The following WDR49 variants were observed in gnomAD, a reference collection of about 807,000 sequenced individuals.
The protein encoded by WDR49 is WD repeat domain 49, also known as cilia- and flagella-associated protein 337.
WDR49 carries 107 observed loss-of-function variants against 119.5 expected under a neutral mutation model. The observed-to-expected ratio is 0.90, with a 90% CI of 0.77 to 1.05. The LOEUF is 1.05. Ranked by LOEUF, WDR49 falls within the 50% of genes least tolerant of loss-of-function variation. WDR49 has a pLI of 0.00. For missense variants in WDR49, 1,240 were observed against 1,220.5 expected (o/e 1.02, Z -0.24); for synonymous variants, 425 against 418.8 (o/e 1.01, Z -0.18).
chr3:167,522,393 A>G lies in WDR49; in HGVS notation c.2696T>C (p.Phe899Ser). ...GTCTAAACAAGATTCCTCCTTAGAAAATAAAGAAATTTCCTTTTGAATCTC... is the reference window on the plus strand; with the variant it reads ...GTCTAAACAAGATTCCTCCTTAGAAGATAAAGAAATTTCCTTTTGAATCTC... ...ESEIQKEISL[F>S]SKEESCLDPT... Residue 899 changes from phenylalanine to serine, a missense_variant, in exon 16 of 19, where the codon TTT (phenylalanine) becomes TCT (serine). Transcript: ENST00000682715. 3 of 1,611,222 alleles carry G rather than the reference A, an allele frequency of 1.9e-6. No individual in the cohort carries two copies. The highest frequency in any genetic ancestry group is 2.5e-6 in the Non-Finnish European group (3 of 1,179,232).
chr3:167,572,856 C>G (rs6764809), intron 8 of WDR49, among the ~76,000 whole-genome samples: 1 of 151,996 alleles, frequency 6.6e-6, no homozygotes, highest in South Asian at 2.1e-4. Context: ...GTTTACAAGA[C>G]GAAACTGCAA....
rs1752697320 is a variant in WDR49 at position 167,528,001 on chromosome 3, G to A, written c.2423C>T (p.Ser808Phe). ...GGCCTTGGTGATTTTGTTCTTACTG[G>A]AGTTAAGACAGTACTCCTGAATGAA... ...IWNIEEYCLN[S>F]SKNKITKAPT... is the part of the protein sequence containing the mutation. The change falls in exon 15 of 19, where the codon TCC becomes TTC. Residue 808 changes from serine to phenylalanine, a missense_variant. Physicochemically the swap from Ser to Phe is radical, Grantham distance 155. Coordinates refer to ENST00000682715, the MANE Select transcript of WDR49 (RefSeq NM_001366157.1). 3 of 1,612,396 alleles carry A rather than the reference G, an allele frequency of 1.9e-6. No individual in the cohort carries two copies. The highest frequency in any genetic ancestry group is 1.7e-6 in the Non-Finnish European group (2 of 1,179,124).
At chr3:167,640,811 A>G (rs1717846428) in intron 2 of WDR49, among the ~76,000 whole-genome samples, 1 of 151,800 alleles carries the variant, frequency 6.6e-6, no homozygotes, top group Admixed American at 6.6e-5. Flanking sequence ...TGGGAGGTGG[A>G]AAGGATGGGA....
chr3:167,615,748 A>G (rs1042834854), intron 5 of WDR49, among the ~76,000 whole-genome samples: 1 of 152,206 alleles, frequency 6.6e-6, no homozygotes, highest in Non-Finnish European at 1.5e-5. Flanking sequence ...TTTGGCATAC[A>G]CTAATATTAA....
intron 11 of WDR49, among the ~76,000 whole-genome samples, chr3:167,534,782 C>T (rs761374058): frequency 1.3e-5 from 2 of 152,104 alleles, no homozygotes; most frequent in African/African-American, 2.4e-5. Context: ...CTTTAATATG[C>T]CACATCAAAG....
chr3:167,627,031 T>A lies in WDR49; in HGVS notation c.427A>T (p.Ile143Phe), dbSNP rs1446149120. ...EFLPVKHKDT[I>F]QKVIFLKNSS... ...TTTTTTAAGAAAATTACTTTTTGAA[T>A]GGTGTCCTTGTGTTTTACTGGGAGG... Residue 143 changes from isoleucine to phenylalanine, a missense_variant, in exon 3 of 19, where the codon ATT becomes TTT. Ile to Phe is a conservative substitution (Grantham distance 21). Coordinates refer to ENST00000682715, the MANE Select transcript of WDR49 (RefSeq NM_001366157.1). The A allele has an allele frequency of 1.5e-6, 2 of 1,328,874 alleles. No individual in the cohort carries two copies. Among genetic ancestry groups the A allele is most frequent in the African/African-American group, 3.0e-5 (2 of 66,790 alleles). The allele number at this position is 1,328,874 out of a possible 1,614,324, so 82.3% of individuals were successfully genotyped here.
At chr3:167,496,505 CAT>C (rs1266840924) in intron 18 of WDR49, among the ~76,000 whole-genome samples, 2 of 151,904 alleles carry the variant, frequency 1.3e-5, no homozygotes, top group Non-Finnish European at 2.9e-5. Flanking sequence ...TAACTTTTAA[CAT>C]CTAGCTCGGG....
intron 17 of WDR49, among the ~76,000 whole-genome samples, chr3:167,502,431 C>G (rs532362755): frequency 4.2e-4 from 64 of 152,278 alleles, no homozygotes; most frequent in Middle Eastern, 3.4e-3. Context: ...TTGGAACTGG[C>G]TAATGGGCAG....
intron 2 of WDR49, among the ~76,000 whole-genome samples, chr3:167,643,959 G>T (rs1483145250): frequency 6.6e-6 from 1 of 151,090 alleles, no homozygotes; most frequent in Non-Finnish European, 1.5e-5. Context: ...TTGTTCACTA[G>T]AGAAAAGAAA....
At chr3:167,596,943 C>A (rs1203272083) in intron 7 of WDR49, among the ~76,000 whole-genome samples, 2 of 129,116 alleles carry the variant, frequency 1.5e-5, no homozygotes, top group East Asian at 2.1e-4. Context: ...AAAATAAACT[C>A]AAAATGGAAA....
chr3:167,504,253 C>G (rs929719646), intron 17 of WDR49, among the ~76,000 whole-genome samples: 8 of 152,132 alleles, frequency 5.3e-5, no homozygotes, highest in Non-Finnish European at 4.4e-5. Flanking sequence ...TACAGGCACT[C>G]AACTCTAACC....
chr3:167,555,186 C>A (rs1468460465), intron 9 of WDR49, among the ~76,000 whole-genome samples: 1 of 152,118 alleles, frequency 6.6e-6, no homozygotes, highest in Non-Finnish European at 1.5e-5. Flanking sequence ...AAGTTGAGTT[C>A]ATCTCCAGTG....
intron 2 of WDR49, among the ~76,000 whole-genome samples, chr3:167,639,620 ATACT>A (rs1234697872): frequency 6.6e-6 from 1 of 151,850 alleles, no homozygotes. Flanking sequence ...TTATAATGAT[ATACT>A]TACTTTTCAC....
intron 12 of WDR49, among the ~76,000 whole-genome samples, 159 bp downstream of exon 12, chr3:167,532,720 T>C (rs1009223294): frequency 5.9e-5 from 9 of 152,174 alleles, no homozygotes; most frequent in Non-Finnish European, 1.0e-4. Flanking sequence ...CTCAAGGTTC[T>C]CTTTAGCTAC....
chr3:167,622,366 C>A (rs1716913500), intron 3 of WDR49, among the ~76,000 whole-genome samples: 1 of 151,722 alleles, frequency 6.6e-6, no homozygotes, highest in Admixed American at 6.6e-5. Flanking sequence ...GTGAGACTCC[C>A]ATCTTTAAAA....
intron 2 of WDR49, among the ~76,000 whole-genome samples, chr3:167,641,196 G>C (rs1717863953): frequency 2.6e-5 from 4 of 151,874 alleles, no homozygotes; most frequent in Admixed American, 2.6e-4. Flanking sequence ...ATATCTCCAA[G>C]TCTGGAAGGC....
At chr3:167,567,501 A>G (rs1713676362) in intron 8 of WDR49, among the ~76,000 whole-genome samples, 3 of 152,184 alleles carry the variant, frequency 2.0e-5, no homozygotes, top group African/African-American at 7.2e-5. Context: ...TTCAGCAGGA[A>G]TTTATTGTTT....
At chr3:167,610,097 C>T (rs1194169735) in intron 5 of WDR49, among the ~76,000 whole-genome samples, 2 of 152,148 alleles carry the variant, frequency 1.3e-5, no homozygotes, top group East Asian at 1.9e-4. Context: ...AGGTGAGACT[C>T]GGCACATTAC....
At chr3:167,572,974 C>T (rs1226901227) in intron 8 of WDR49, among the ~76,000 whole-genome samples, 1 of 152,138 alleles carries the variant, frequency 6.6e-6, no homozygotes. Context: ...CCTCCCCTTT[C>T]TAATTCTTCC....
Sources: allele counts gnomAD v4.1 joint callset (sites outside exome capture counted in the v4.1 genomes callset), GRCh38; gene constraint gnomAD v4.1.1; transcripts MANE v1.5; gene names NCBI Gene and HGNC (gene_info 2026-07-23, HGNC 2026-07-21).